NEK4: variants seen among roughly 807,000 people sequenced by gnomAD.
NEK4 encodes serine/threonine-protein kinase Nek4.
NEK4 carries 86 observed loss-of-function variants against 98.4 expected under a neutral mutation model. The ratio of observed to expected loss-of-function variants is 0.87; its 90% CI spans 0.73 to 1.05. The LOEUF is 1.05. NEK4 is among the 50% of genes least tolerant of loss of function. The pLI is 0.00. For missense variants in NEK4, 898 were observed against 950.3 expected, an observed-to-expected ratio of 0.94 and a Z score of 0.72; for synonymous variants, 328 against 342.2, an observed-to-expected ratio of 0.96 and a Z score of 0.46.
Position 52,765,898 on chromosome 3 carries a change from T to C in NEK4, c.655A>G (p.Ile219Val), listed in dbSNP as rs770822899. ...AGATTATTCTTTACCTTTCCTTCAA[T>C]AATCCGATAAACTAAAGAATTCATA... ...KDMNSLVYRI[I>V]EGKLPPMPRD... The change falls in exon 4 of 16, where the codon ATT (isoleucine) becomes GTT (valine). Residue 219 changes from isoleucine to valine, a missense_variant. By Grantham distance (29) the Ile-to-Val change is conservative. Coordinates refer to ENST00000233027, the MANE Select transcript of NEK4 (RefSeq NM_003157.6). 1 of 1,594,392 alleles carries C rather than the reference T, an allele frequency of 6.3e-7. No individual in the cohort carries two copies. The highest frequency in any genetic ancestry group is 1.1e-5 in the South Asian group (1 of 90,352).
chr3:52,745,927 T>G, intron 10 of NEK4, 134 bp downstream of exon 10: 1 of 779,750 alleles, frequency 1.3e-6, no homozygotes. Flanking sequence ...CTCACTATAT[T>G]GCCCAGGCCA....
intron 7 of NEK4, among the ~76,000 whole-genome samples, chr3:52,751,238 G>A (rs770501298): frequency 6.6e-5 from 10 of 152,034 alleles, no homozygotes; most frequent in African/African-American, 9.7e-5. Context: ...GGCAGATCAC[G>A]AGGTCAGGAG....
At chr3:52,765,092 T>C (rs985527637) in intron 4 of NEK4, among the ~76,000 whole-genome samples, 5 of 152,176 alleles carry the variant, frequency 3.3e-5, no homozygotes, top group Non-Finnish European at 5.9e-5. Context: ...GGCTCACACC[T>C]GTAATCCCAG....
At position 52,743,375 on chromosome 3, in the gene NEK4, A is replaced by G. The variant is rs773161176; in HGVS notation, c.1981T>C (p.Ser661Pro). The G allele has an allele frequency of 1.2e-6, 2 of 1,613,934 alleles. No individual in the cohort carries two copies. The highest frequency in any genetic ancestry group is 3.3e-5 in the Admixed American group (2 of 59,990). ...ACCTGAGTGACGCTGCAGTCAGAGG[A>G]GAGCCGTCGGGCAGGCAAGGGCTGG... ...EDQPLPARRL[S>P]SDCSVTQERK... The change falls in exon 12 of 16, where the codon TCC (serine) becomes CCC (proline). Residue 661 changes from serine to proline, a missense_variant. By Grantham distance (74) the Ser-to-Pro change is moderately conservative (BLOSUM62 -1). Transcript: ENST00000233027.
At chr3:52,749,644 AC>A (rs1388335156) in intron 8 of NEK4, 47 bp downstream of exon 8, 1 of 206,230 alleles carries the variant, frequency 4.8e-6, no homozygotes, top group Admixed American at 5.9e-5. Flanking sequence ...GACCAGCCTG[AC>A]CAACATGGTA....
At chr3:52,754,200 T>C (rs2097410661) in intron 6 of NEK4, 1 of 291,556 alleles carries the variant, frequency 3.4e-6, no homozygotes, top group Admixed American at 4.5e-5. Context: ...GCAGTTTACA[T>C]CCATCCCTAA....
chr3:52,712,587 A>G (rs1335112208), intron 15 of NEK4, among the ~76,000 whole-genome samples: 1 of 152,212 alleles, frequency 6.6e-6, no homozygotes, highest in Non-Finnish European at 1.5e-5. Context: ...GAATCAGATC[A>G]CACGTGGGCT....
chr3:52,728,553 T>C (rs930983034), intron 15 of NEK4, among the ~76,000 whole-genome samples: 4 of 152,230 alleles, frequency 2.6e-5, no homozygotes, highest in Admixed American at 1.3e-4. Flanking sequence ...TTGTGTTAAC[T>C]GTACAAATTG....
chr3:52,720,104 G>A lies in NEK4; in HGVS notation c.2434-8235C>T, dbSNP rs551798019. Among the ~76,000 whole-genome samples the A allele has an allele frequency of 5.3e-5, 8 of 152,248 alleles. No individual in the cohort carries two copies. In the East Asian group the frequency reaches 1.5e-3, roughly 29 times the overall value. On this transcript the variant is annotated intron_variant, in intron 15 of 15. Coordinates refer to ENST00000233027, the MANE Select transcript of NEK4 (RefSeq NM_003157.6). ...AAAAGACCTGCTTGGCCAACATGGT[G>A]AACCCCCGTCTCTACTAAAAATACA... is the stretch of plus-strand genomic sequence containing the variant.
rs965667127 is a variant in NEK4, at chr3:52,711,233, A to G, written c.*544T>C. 5 of 152,338 alleles carry G rather than the reference A, an allele frequency of 3.3e-5. No homozygotes were observed. Among genetic ancestry groups the G allele is most frequent in the Admixed American group, 6.5e-5 (1 of 15,286 alleles). 9.4% of individuals were successfully genotyped at this position (152,338 alleles called of 1,614,324 possible). On this transcript the variant is annotated 3_prime_UTR_variant, in exon 16 of 16. Coordinates refer to ENST00000233027, the MANE Select transcript of NEK4 (RefSeq NM_003157.6). ...ATATTAAAAGTCCATCAATGTGTAG[A>G]AAAGAAATACAGCTGCTCAAGTACT...
intron 6 of NEK4, among the ~76,000 whole-genome samples, chr3:52,757,004 A>C (rs2097416227): frequency 6.6e-6 from 1 of 152,210 alleles, no homozygotes; most frequent in African/African-American, 2.4e-5. Flanking sequence ...AAAATGCTCA[A>C]TATAACTAAT....
At position 52,709,595 on chromosome 3, in the gene NEK4, AG is replaced by A. The variant is rs1487501156; in HGVS notation, c.*2181del. On this transcript the variant is annotated 3_prime_UTR_variant, in exon 16 of 16. Coordinates refer to ENST00000233027, the MANE Select transcript of NEK4 (RefSeq NM_003157.6). The stretch of plus-strand genomic sequence containing the variant: ...GCATGCCTGTGGTCCTAGCTACTTG[AG>A]GGGCTGAGGTGGGAGGATCACTTAA... 7.0e-6 allele frequency: 1 copy of A among 143,868 alleles called. No homozygotes were observed. The highest frequency in any genetic ancestry group is 1.5e-5 in the Non-Finnish European group (1 of 66,672). 8.9% of individuals were successfully genotyped at this position (143,868 alleles called of 1,614,324 possible). A position where few individuals can be genotyped will look rare whatever the true frequency, so the allele number is the denominator to read the frequency against.
intron 6 of NEK4, chr3:52,753,646 T>G: frequency 1.7e-6 from 1 of 586,360 alleles, no homozygotes; most frequent in Non-Finnish European, 3.4e-6. Context: ...AGCTGCCTTC[T>G]ATTCCCAAAA....
chr3:52,765,249 G>A (rs1006099217), intron 4 of NEK4, among the ~76,000 whole-genome samples: 1 of 151,616 alleles, frequency 6.6e-6, no homozygotes, highest in Non-Finnish European at 1.5e-5. Flanking sequence ...TACTTGGTAA[G>A]CTAAGGCACA....
Position 52,754,305 on chromosome 3 carries a change from A to C in NEK4, c.964-1969T>G, listed in dbSNP as rs2097410853. ...CACCTCAGATGAACTGGATGTGAAG[A>C]GCATTTGGAAAATGGAGGTGGAATC... On this transcript the variant is annotated intron_variant, in intron 6 of 15. Coordinates refer to ENST00000233027, the MANE Select transcript of NEK4 (RefSeq NM_003157.6). 1.1e-5 allele frequency: 4 copies of C among 354,884 alleles called. 1 individual carries two copies. Among genetic ancestry groups the C allele is most frequent in the South Asian group, 9.5e-5 (4 of 42,042 alleles). 22.0% of individuals were successfully genotyped at this position (354,884 alleles called of 1,614,324 possible).
intron 6 of NEK4, chr3:52,754,159 C>T (rs888700079): frequency 3.7e-6 from 1 of 267,448 alleles, no homozygotes; most frequent in Non-Finnish European, 7.3e-6. Context: ...GAGACTCCGT[C>T]TCAAAAACAA....
At chr3:52,750,352 A>C (rs1197203737) in intron 7 of NEK4, among the ~76,000 whole-genome samples, 1 of 152,166 alleles carries the variant, frequency 6.6e-6, no homozygotes, top group Non-Finnish European at 1.5e-5. Context: ...GTTTGAGACC[A>C]GTCTGGCCAA....
At chr3:52,737,235 T>C (rs914470162) in intron 15 of NEK4, among the ~76,000 whole-genome samples, 2 of 151,478 alleles carry the variant, frequency 1.3e-5, no homozygotes, top group African/African-American at 4.9e-5. Context: ...TGAGCCACCA[T>C]GCCCAAGCTA....
chr3:52,762,180 A>T (rs1209954707), intron 5 of NEK4, among the ~76,000 whole-genome samples: 3 of 152,234 alleles, frequency 2.0e-5, no homozygotes, highest in African/African-American at 7.2e-5. Context: ...CCTGTTTAGT[A>T]AAGGTAGGAT....
Sources: allele counts gnomAD v4.1 joint callset (sites outside exome capture counted in the v4.1 genomes callset), GRCh38; gene constraint gnomAD v4.1.1; transcripts MANE v1.5; gene names NCBI Gene and HGNC (gene_info 2026-07-23, HGNC 2026-07-21).